ATF2: variants seen among roughly 807,000 people sequenced by gnomAD.
ATF2 encodes cyclic AMP-dependent transcription factor ATF-2.
A neutral mutation model predicts 60.6 loss-of-function variants in ATF2; 24 were observed. The observed-to-expected ratio is 0.40, with a 90% confidence interval of 0.29 to 0.56. The LOEUF (loss-of-function observed/expected upper bound fraction) is 0.56, where lower values mean the gene tolerates loss of function less well. Among genes scored for constraint, ATF2 ranks in the 20% least tolerant of loss-of-function variants. The pLI, the probability that ATF2 is intolerant of heterozygous loss-of-function variation, is 0.54. For missense variants in ATF2, 433 were observed against 607.7 expected, an observed-to-expected ratio of 0.71 and a Z score of 3.02; for synonymous variants, 206 against 215.4, an observed-to-expected ratio of 0.96 and a Z score of 0.38.
intron 10 of ATF2, among the ~76,000 whole-genome samples, chr2:175,105,422 G>C (rs1695587929): frequency 6.6e-6 from 1 of 151,720 alleles, no homozygotes; most frequent in African/African-American, 2.4e-5. Flanking sequence ...GGTCTTCTTA[G>C]AAGAACATTC....
chr2:175,095,669 T>G (rs74610309), intron 11 of ATF2, among the ~76,000 whole-genome samples: 5,204 of 152,272 alleles, frequency 0.034, 295 homozygotes, highest in African/African-American at 0.12. Context: ...TAGGAACTAT[T>G]CTAGAAACTA....
At chr2:175,148,820 T>C (rs371851411) in intron 2 of ATF2, among the ~76,000 whole-genome samples, 8 of 152,268 alleles carry the variant, frequency 5.3e-5, no homozygotes, top group African/African-American at 1.9e-4. Flanking sequence ...AGAAAATCTT[T>C]GAATCCTATG....
rs1250933567 is a variant in ATF2, at chr2:175,136,496, A to G, written c.-43-10T>C. 1.9e-5 allele frequency: 29 copies of G among 1,537,330 alleles called. No homozygotes were observed. Among genetic ancestry groups the G allele is most frequent in the Non-Finnish European group, 2.4e-5 (27 of 1,118,484 alleles). On this transcript the variant is annotated splice_polypyrimidine_tract_variant and intron_variant, in intron 2 of 13. Coordinates refer to ENST00000264110, the MANE Select transcript of ATF2 (RefSeq NM_001880.4). ...TCTCATGGCAAGAATACTGAAAAAC[A>G]AAGTGGTTTCACACTGTTAAAAATA...
At chr2:175,114,573 C>T (rs1414349759) in intron 8 of ATF2, 117 bp downstream of exon 8, 8 of 1,447,132 alleles carry the variant, frequency 5.5e-6, no homozygotes, top group African/African-American at 4.3e-5. Flanking sequence ...AAATTCGAAG[C>T]ATGCACACAC....
intron 10 of ATF2, among the ~76,000 whole-genome samples, chr2:175,109,274 A>AG (rs1696004750): frequency 1.3e-5 from 2 of 152,148 alleles, no homozygotes; most frequent in African/African-American, 4.8e-5. Context: ...ATGGACAAAG[A>AG]AATTGTGGTA....
chr2:175,130,350 ATCTT>A, intron 3 of ATF2, 143 bp from the exon 4 acceptor site: 1 of 502,748 alleles, frequency 2.0e-6, no homozygotes, highest in Non-Finnish European at 3.3e-6. Flanking sequence ...TTTTAATTCT[ATCTT>A]TCTTATTATG....
intron 12 of ATF2, among the ~76,000 whole-genome samples, chr2:175,084,080 T>C (rs1386941414): frequency 6.6e-6 from 1 of 152,170 alleles, no homozygotes; most frequent in Non-Finnish European, 1.5e-5. Context: ...TGGAAGTCAG[T>C]GTGGCGATTC....
chr2:175,141,060 T>TATATATGTATAC (rs1445235585), intron 2 of ATF2, among the ~76,000 whole-genome samples: 9 of 128,228 alleles, frequency 7.0e-5, no homozygotes, highest in African/African-American at 2.7e-4. Context: ...TATGTATATA[T>TATATATGTATAC]ATATGTGTGT....
chr2:175,116,676 G>C (rs994844532), intron 7 of ATF2, among the ~76,000 whole-genome samples: 19 of 151,442 alleles, frequency 1.3e-4, no homozygotes, highest in Admixed American at 8.6e-4. Context: ...AATTTCATAT[G>C]GTATACCTTG....
chr2:175,152,744 A>G (rs963835427), intron 1 of ATF2, among the ~76,000 whole-genome samples: 1 of 152,228 alleles, frequency 6.6e-6, no homozygotes, highest in Non-Finnish European at 1.5e-5. Flanking sequence ...GCTGGCAACA[A>G]AATTATGCTT....
intron 10 of ATF2, among the ~76,000 whole-genome samples, chr2:175,106,699 G>A (rs1008192799): frequency 1.3e-5 from 2 of 152,024 alleles, no homozygotes; most frequent in Admixed American, 6.6e-5. Flanking sequence ...AGCTGCATGT[G>A]GTGGCGGAAG....
intron 12 of ATF2, among the ~76,000 whole-genome samples, chr2:175,082,300 G>A (rs1353892366): frequency 6.6e-6 from 1 of 152,074 alleles, no homozygotes; most frequent in Non-Finnish European, 1.5e-5. Flanking sequence ...TTGTATTTGA[G>A]GCAAGAATGG....
intron 1 of ATF2, among the ~76,000 whole-genome samples, chr2:175,156,944 G>A (rs763622715): frequency 5.9e-5 from 9 of 152,256 alleles, no homozygotes; most frequent in Non-Finnish European, 8.8e-5. Context: ...TGTGCCCCAC[G>A]ACTTCAACAG....
At chr2:175,087,638 A>C (rs536066419) in intron 12 of ATF2, among the ~76,000 whole-genome samples, 1 of 152,314 alleles carries the variant, frequency 6.6e-6, no homozygotes. Flanking sequence ...CAGTATGAAT[A>C]GTTTCTTATT....
chr2:175,111,339 T>C (rs1448616133), intron 10 of ATF2, among the ~76,000 whole-genome samples: 3 of 152,152 alleles, frequency 2.0e-5, no homozygotes, highest in Non-Finnish European at 4.4e-5. Flanking sequence ...AAACAACAAG[T>C]GACAAGAAAC....
intron 10 of ATF2, among the ~76,000 whole-genome samples, chr2:175,099,845 A>G (rs1695190621): frequency 6.6e-6 from 1 of 152,236 alleles, no homozygotes; most frequent in South Asian, 2.1e-4. Flanking sequence ...ACCATGCTGC[A>G]TACTTTATCC....
intron 12 of ATF2, chr2:175,092,738 T>C (rs1262410067): frequency 5.9e-5 from 22 of 372,046 alleles, no homozygotes; most frequent in Non-Finnish European, 8.0e-5. Context: ...ACAAGAAAAG[T>C]GAAATAACAG....
intron 9 of ATF2, among the ~76,000 whole-genome samples, chr2:175,113,006 T>G (rs1353302385): frequency 6.6e-6 from 1 of 152,102 alleles, no homozygotes; most frequent in East Asian, 1.9e-4. Context: ...TAATGCTTGG[T>G]GTAAGATTTC....
chr2:175,109,573 G>T (rs941992238), intron 10 of ATF2, among the ~76,000 whole-genome samples: 2 of 152,104 alleles, frequency 1.3e-5, no homozygotes. Flanking sequence ...GCCTACTCTT[G>T]TAAATAAAGG....
Sources: gnomAD v4.1 joint callset for allele counts (sites outside exome capture counted in the v4.1 genomes callset) on GRCh38, gnomAD v4.1.1 for gene constraint, MANE v1.5 for transcripts, NCBI Gene and HGNC (gene_info 2026-07-23, HGNC 2026-07-21) for gene names.